The following UVRAG variants were observed in gnomAD, a reference collection of about 807,000 sequenced individuals.
The protein encoded by UVRAG is UV radiation resistance-associated gene protein.
Under a neutral mutation model 78.0 loss-of-function variants are expected in UVRAG, and 19 were observed. That is an observed-to-expected ratio of 0.24 (90% CI 0.17 to 0.36). The LOEUF is 0.36. UVRAG is among the 10% of genes least tolerant of loss of function. The pLI is 1.00. For synonymous variants in UVRAG, 323 were observed against 324.6 expected (o/e 1.00, Z 0.05); for missense variants, 740 against 853.8 (o/e 0.87, Z 1.66).
intron 1 of UVRAG, 67 bp from the exon 2 acceptor site, chr11:75,851,816 C>T (rs918107478): frequency 7.9e-7 from 1 of 1,259,566 alleles, no homozygotes. Flanking sequence ...TTTTGAACTG[C>T]AACTTCCAGA....
At chr11:76,035,961 G>A (rs1202387581) in intron 12 of UVRAG, among the ~76,000 whole-genome samples, 1 of 152,184 alleles carries the variant, frequency 6.6e-6, no homozygotes, top group Non-Finnish European at 1.5e-5. Flanking sequence ...CCTAGGGGTA[G>A]AAAGAAGTAC....
intron 6 of UVRAG, among the ~76,000 whole-genome samples, chr11:75,918,973 A>T (rs1048499288): frequency 6.6e-6 from 1 of 152,188 alleles, no homozygotes; most frequent in East Asian, 1.9e-4. Context: ...GTGACTTTCA[A>T]TCCAACTCTT....
At chr11:76,057,041 G>A (rs942146047) in intron 12 of UVRAG, among the ~76,000 whole-genome samples, 2 of 152,208 alleles carry the variant, frequency 1.3e-5, no homozygotes, top group Non-Finnish European at 2.9e-5. Context: ...GGGAACAGAA[G>A]GAAAACCAGC....
At chr11:75,877,682 G>T in intron 3 of UVRAG, among the ~76,000 whole-genome samples, 1 of 140,352 alleles carries the variant, frequency 7.1e-6, no homozygotes, top group African/African-American at 2.7e-5. Context: ...AGTAGGGGCG[G>T]CTGGGCAGAG....
chr11:75,884,759 T>G (rs912513726), intron 4 of UVRAG, among the ~76,000 whole-genome samples: 1 of 152,154 alleles, frequency 6.6e-6, no homozygotes, highest in South Asian at 2.1e-4. Flanking sequence ...ATTTCTGTCT[T>G]AATGCCAATA....
At chr11:76,014,078 G>A (rs906905894) in intron 11 of UVRAG, among the ~76,000 whole-genome samples, 3 of 152,130 alleles carry the variant, frequency 2.0e-5, no homozygotes, top group Non-Finnish European at 1.5e-5. Flanking sequence ...TCTGTGTGTA[G>A]ACTTCTCTTA....
intron 6 of UVRAG, among the ~76,000 whole-genome samples, chr11:75,925,177 G>A (rs887421346): frequency 1.3e-5 from 2 of 152,126 alleles, no homozygotes; most frequent in Non-Finnish European, 2.9e-5. Context: ...CTACATTCCC[G>A]CTGGTGCCAG....
intron 7 of UVRAG, among the ~76,000 whole-genome samples, chr11:75,975,215 A>G (rs1485535065): frequency 6.6e-6 from 1 of 152,118 alleles, no homozygotes; most frequent in African/African-American, 2.4e-5. Context: ...GTTCTGTTCC[A>G]TTGATCTATA....
At chr11:75,891,918 GA>G (rs928911889) in intron 5 of UVRAG, among the ~76,000 whole-genome samples, 6 of 149,148 alleles carry the variant, frequency 4.0e-5, no homozygotes, top group South Asian at 4.2e-4. Context: ...GGAGGGGAAA[GA>G]AAAAAAAAGG....
At chr11:75,880,097 CT>C (rs1946903673) in intron 4 of UVRAG, 57 bp downstream of exon 4, 5 of 1,578,974 alleles carry the variant, frequency 3.2e-6, no homozygotes, top group Non-Finnish European at 4.3e-6. Flanking sequence ...CGTGTCTAAC[CT>C]TTCTGTTGAT....
At chr11:76,113,256 A>G (rs982588486) in intron 13 of UVRAG, among the ~76,000 whole-genome samples, 4 of 152,216 alleles carry the variant, frequency 2.6e-5, no homozygotes, top group Non-Finnish European at 5.9e-5. Context: ...GAAGGGAACT[A>G]TGTGTGGGAG....
At chr11:75,972,233 A>T (rs1483079018) in intron 7 of UVRAG, among the ~76,000 whole-genome samples, 1 of 152,020 alleles carries the variant, frequency 6.6e-6, no homozygotes, top group African/African-American at 2.4e-5. Flanking sequence ...GATTTCCAAG[A>T]TACCAATTTC....
At chr11:76,093,288 G>A (rs1196364752) in intron 13 of UVRAG, among the ~76,000 whole-genome samples, 2 of 152,178 alleles carry the variant, frequency 1.3e-5, no homozygotes. Flanking sequence ...GAGTCAGGTA[G>A]CGTGATGCCT....
chr11:75,858,602 G>A (rs1304854395), intron 2 of UVRAG, among the ~76,000 whole-genome samples: 1 of 152,196 alleles, frequency 6.6e-6, no homozygotes, highest in East Asian at 1.9e-4. Context: ...ATGAGTGACA[G>A]TATATTGATA....
intron 1 of UVRAG, among the ~76,000 whole-genome samples, chr11:75,815,940 T>C (rs1040392532): frequency 3.9e-5 from 6 of 152,228 alleles, no homozygotes; most frequent in African/African-American, 1.2e-4. Flanking sequence ...TTTCCCCACC[T>C]GGCCATCCCC....
intron 13 of UVRAG, among the ~76,000 whole-genome samples, chr11:76,110,214 A>G (rs1018321793): frequency 2.1e-5 from 3 of 145,916 alleles, no homozygotes; most frequent in Non-Finnish European, 4.5e-5. Flanking sequence ...TCTGGTACAT[A>G]TATATATATA....
intron 13 of UVRAG, among the ~76,000 whole-genome samples, chr11:76,100,550 T>C (rs1457292252): frequency 6.6e-6 from 1 of 152,150 alleles, no homozygotes; most frequent in Non-Finnish European, 1.5e-5. Context: ...TCTTTTTCAC[T>C]TGAATTAGTT....
intron 6 of UVRAG, among the ~76,000 whole-genome samples, chr11:75,922,023 T>C (rs916452566): frequency 2.0e-5 from 3 of 152,268 alleles, no homozygotes; most frequent in African/African-American, 7.2e-5. Flanking sequence ...TTTTGGCTAT[T>C]CTCAGAACTT....
intron 8 of UVRAG, among the ~76,000 whole-genome samples, chr11:75,996,572 A>T (rs548429922): frequency 6.6e-6 from 1 of 152,132 alleles, no homozygotes; most frequent in African/African-American, 2.4e-5. Flanking sequence ...AACTAGGGGG[A>T]GAAGGTGAGA....
Sources: allele counts gnomAD v4.1 joint callset (sites outside exome capture counted in the v4.1 genomes callset), GRCh38; gene constraint gnomAD v4.1.1; transcripts MANE v1.5; gene names NCBI Gene and HGNC (gene_info 2026-07-23, HGNC 2026-07-21).